PRKCQ: variants seen among roughly 807,000 people sequenced by gnomAD.
PRKCQ encodes the protein protein kinase C theta type.
A neutral mutation model predicts 91.2 loss-of-function variants in PRKCQ; 41 were observed. That is an observed-to-expected ratio of 0.45 (90% confidence interval 0.35 to 0.58). PRKCQ has a LOEUF of 0.58. Among genes scored for constraint, PRKCQ ranks in the 20% least tolerant of loss-of-function variants. The pLI is 0.00. For missense variants in PRKCQ, 673 were observed against 896.5 expected, an observed-to-expected ratio of 0.75 and a Z score of 3.18; for synonymous variants, 307 against 316.9, an observed-to-expected ratio of 0.97 and a Z score of 0.33.
Position 6,479,034 on chromosome 10 carries a change from C to G in PRKCQ, c.1311G>C (p.Glu437Asp), listed in dbSNP as rs1232357612. 6.2e-7 allele frequency: 1 copy of G among 1,614,064 alleles called. No individual in the cohort carries two copies. The highest frequency in any genetic ancestry group is 1.7e-5 in the Admixed American group (1 of 60,000). ...AAAACATGTGCGTCAGAAACGGATG[C>G]TCCCAGGCCAAGGAAAGAACTCTCT... ...VEKRVLSLAW[E>D]HPFLTHMFCT... Residue 437 changes from glutamate to aspartate, a missense_variant, in exon 12 of 18, where the codon GAG (glutamate) becomes GAC (aspartate). Coordinates refer to ENST00000263125, the MANE Select transcript of PRKCQ (RefSeq NM_006257.5).
chr10:6,424,958 T>A (rs1423943042), downstream of PRKCQ, among the ~76,000 whole-genome samples: 1 of 151,748 alleles, frequency 6.6e-6, no homozygotes, highest in Non-Finnish European at 1.5e-5. Flanking sequence ...GAACTGGGAG[T>A]GGTGATGAGA....
intron 1 of PRKCQ, among the ~76,000 whole-genome samples, chr10:6,567,678 T>C (rs1840881540): frequency 6.6e-6 from 1 of 152,218 alleles, no homozygotes; most frequent in Non-Finnish European, 1.5e-5. Context: ...CCCATACATG[T>C]GAGTGCCCAT....
chr10:6,556,039 A>T (rs577119483), intron 1 of PRKCQ, among the ~76,000 whole-genome samples: 4 of 152,198 alleles, frequency 2.6e-5, no homozygotes, highest in African/African-American at 9.6e-5. Context: ...CAACAACAAA[A>T]CCAGGATATG....
chr10:6,574,883 G>A (rs1344011154), intron 1 of PRKCQ, among the ~76,000 whole-genome samples: 1 of 152,158 alleles, frequency 6.6e-6, no homozygotes, highest in Non-Finnish European at 1.5e-5. Flanking sequence ...TTCCCCTTCA[G>A]GTCTCAGTTG....
chr10:6,564,343 T>C (rs1297170946), intron 1 of PRKCQ, among the ~76,000 whole-genome samples: 6 of 152,166 alleles, frequency 3.9e-5, no homozygotes, highest in Non-Finnish European at 7.3e-5. Context: ...TGCAATACTA[T>C]TGCTCGATGG....
chr10:6,557,432 C>G (rs1265520629), intron 1 of PRKCQ, among the ~76,000 whole-genome samples: 1 of 152,200 alleles, frequency 6.6e-6, no homozygotes, highest in Non-Finnish European at 1.5e-5. Flanking sequence ...TCCTCCTTGA[C>G]ACTGCACAGG....
chr10:6,462,778 G>T (rs1301533289), intron 13 of PRKCQ, among the ~76,000 whole-genome samples: 1 of 152,124 alleles, frequency 6.6e-6, no homozygotes, highest in African/African-American at 2.4e-5. Context: ...GCCCAAGCAG[G>T]TGGATCACTT....
At chr10:6,505,578 C>T (rs1287677586) in intron 4 of PRKCQ, among the ~76,000 whole-genome samples, 2 of 145,970 alleles carry the variant, frequency 1.4e-5, no homozygotes, top group African/African-American at 5.0e-5. Flanking sequence ...CTTCCCCTTC[C>T]TTCCTTCCTT....
At chr10:6,568,000 G>A (rs1052265632) in intron 1 of PRKCQ, among the ~76,000 whole-genome samples, 3 of 152,178 alleles carry the variant, frequency 2.0e-5, no homozygotes, top group Admixed American at 6.5e-5. Flanking sequence ...TGGTGGTGGC[G>A]CAGGGGGTTG....
At chr10:6,550,660 T>C (rs1242922921) in intron 1 of PRKCQ, among the ~76,000 whole-genome samples, 1 of 152,228 alleles carries the variant, frequency 6.6e-6, no homozygotes, top group African/African-American at 2.4e-5. Context: ...CTATTGAGAA[T>C]CCTGCTGCTA....
chr10:6,476,248 C>A (rs1836260308), intron 12 of PRKCQ, among the ~76,000 whole-genome samples: 1 of 149,706 alleles, frequency 6.7e-6, no homozygotes, highest in Non-Finnish European at 1.5e-5. Flanking sequence ...GCATACCTAT[C>A]TTCTACAAAG....
chr10:6,456,646 T>C (rs1381795006), intron 15 of PRKCQ, 28 bp downstream of exon 15: 7 of 1,612,380 alleles, frequency 4.3e-6, no homozygotes, highest in Non-Finnish European at 5.9e-6. Context: ...CATGGTGAGG[T>C]GGGAGCAGCC....
At chr10:6,501,570 C>A (rs1014744718) in intron 4 of PRKCQ, among the ~76,000 whole-genome samples, 1 of 151,890 alleles carries the variant, frequency 6.6e-6, no homozygotes, top group Non-Finnish European at 1.5e-5. Context: ...AACTGTAATC[C>A]CAGCACTTTG....
intron 1 of PRKCQ, among the ~76,000 whole-genome samples, chr10:6,577,692 T>G (rs187875599): frequency 6.6e-6 from 1 of 152,130 alleles, no homozygotes; most frequent in Non-Finnish European, 1.5e-5. Flanking sequence ...AAATCAAATA[T>G]AACCTTGTTA....
chr10:6,441,589 C>T (rs915274647), intron 16 of PRKCQ, among the ~76,000 whole-genome samples: 1 of 152,128 alleles, frequency 6.6e-6, no homozygotes, highest in African/African-American at 2.4e-5. Flanking sequence ...TTTTAAGCCA[C>T]ACACTGTGCT....
intron 1 of PRKCQ, among the ~76,000 whole-genome samples, chr10:6,570,293 A>G (rs982448962): frequency 6.6e-6 from 1 of 152,162 alleles, no homozygotes; most frequent in African/African-American, 2.4e-5. Context: ...AAGTGTAGAC[A>G]ACAATTTGAG....
intron 15 of PRKCQ, among the ~76,000 whole-genome samples, chr10:6,449,149 A>T (rs1245541109): frequency 4.6e-5 from 7 of 151,868 alleles, no homozygotes; most frequent in African/African-American, 1.5e-4. Context: ...TACAGGAGGA[A>T]ATTCAAACCA....
chr10:6,415,580 C>G, the PRKCQ span, among the ~76,000 whole-genome samples: 1 of 150,728 alleles, frequency 6.6e-6, no homozygotes, highest in Non-Finnish European at 1.5e-5. Context: ...GGGAACAAGT[C>G]ATACTGCACA....
the PRKCQ span, among the ~76,000 whole-genome samples, chr10:6,395,572 A>G: frequency 6.6e-6 from 1 of 152,156 alleles, no homozygotes. Flanking sequence ...GTGACTCCTA[A>G]ACCATAATTT....
Sources: gnomAD v4.1 joint callset for allele counts (sites outside exome capture counted in the v4.1 genomes callset) on GRCh38, gnomAD v4.1.1 for gene constraint, MANE v1.5 for transcripts, NCBI Gene and HGNC (gene_info 2026-07-23, HGNC 2026-07-21) for gene names.